The following TMEM131L variants were observed in gnomAD, a reference collection of about 807,000 sequenced individuals.
TMEM131L encodes transmembrane 131 like, also known as transmembrane protein 131-like.
TMEM131L carries 54 observed loss-of-function variants against 192.2 expected under a neutral mutation model. That is an observed-to-expected ratio of 0.28 (90% CI 0.23 to 0.35). The LOEUF (loss-of-function observed/expected upper bound fraction) is 0.35. Among genes scored for constraint, TMEM131L ranks in the 10% least tolerant of loss-of-function variants. The pLI is 1.00. For synonymous variants in TMEM131L, 701 were observed against 704.9 expected (o/e 0.99, Z 0.09); for missense variants, 1,888 against 1,972.9 (o/e 0.96, Z 0.82).
intron 3 of TMEM131L, among the ~76,000 whole-genome samples, chr4:153,518,006 G>A (rs1415079880): frequency 6.6e-6 from 1 of 151,800 alleles, no homozygotes; most frequent in Admixed American, 6.6e-5. Flanking sequence ...TTGAACTTAC[G>A]ATGAGTGTGT....
intron 3 of TMEM131L, among the ~76,000 whole-genome samples, chr4:153,531,735 A>T (rs1411535898): frequency 1.3e-5 from 2 of 152,244 alleles, no homozygotes; most frequent in African/African-American, 2.4e-5. Flanking sequence ...AAATCCGGAA[A>T]TGCCTCCTAA....
chr4:153,592,161 T>C (rs1731112535), intron 17 of TMEM131L, among the ~76,000 whole-genome samples: 1 of 152,140 alleles, frequency 6.6e-6, no homozygotes, highest in South Asian at 2.1e-4. Context: ...ATATACAGTA[T>C]ATGTAGATCA....
At chr4:153,582,285 C>T (rs1161564625) in intron 9 of TMEM131L, among the ~76,000 whole-genome samples, 1 of 151,220 alleles carries the variant, frequency 6.6e-6, no homozygotes, top group Non-Finnish European at 1.5e-5. Flanking sequence ...TGCTGTGTAG[C>T]CCAGGTGGGA....
At chr4:153,566,356 T>C (rs532810212) in intron 7 of TMEM131L, among the ~76,000 whole-genome samples, 9 of 151,980 alleles carry the variant, frequency 5.9e-5, no homozygotes, top group East Asian at 1.9e-4. Flanking sequence ...AGGATGGTCT[T>C]GATCTCCTGA....
At chr4:153,591,664 A>G (rs1170102115) in intron 17 of TMEM131L, among the ~76,000 whole-genome samples, 2 of 152,168 alleles carry the variant, frequency 1.3e-5, no homozygotes, top group African/African-American at 4.8e-5. Context: ...CCTCCAGCAG[A>G]CTTCCATTTA....
intron 16 of TMEM131L, among the ~76,000 whole-genome samples, chr4:153,589,850 TAC>T (rs547138856): frequency 2.0e-5 from 3 of 152,170 alleles, no homozygotes; most frequent in Non-Finnish European, 4.4e-5. Flanking sequence ...TCTCTATGTG[TAC>T]ACACACACAT....
At chr4:153,635,356 C>CT (rs1203341429) in intron 33 of TMEM131L, 76 bp from the exon 34 acceptor site, 7 of 1,451,738 alleles carry the variant, frequency 4.8e-6, no homozygotes, top group South Asian at 2.4e-5. Flanking sequence ...ACCTTGAAAG[C>CT]TTTTTTGCCT....
At chr4:153,499,912 G>GA (rs1733471591) in intron 3 of TMEM131L, among the ~76,000 whole-genome samples, 1 of 152,106 alleles carries the variant, frequency 6.6e-6, no homozygotes, top group Admixed American at 6.5e-5. Flanking sequence ...ACAGACTTGA[G>GA]ACAGTTATCA....
chr4:153,519,067 A>G (rs1386080918), intron 3 of TMEM131L, among the ~76,000 whole-genome samples: 1 of 152,198 alleles, frequency 6.6e-6, no homozygotes, highest in African/African-American at 2.4e-5. Context: ...CCTGGGGGGA[A>G]AATTCCACAT....
At chr4:153,620,631 ATACT>A (rs1466414736) in intron 26 of TMEM131L, 121 bp from the exon 27 acceptor site, 2 of 512,872 alleles carry the variant, frequency 3.9e-6, no homozygotes, top group Non-Finnish European at 3.3e-6. Context: ...GCTGAGCAAC[ATACT>A]TCTCAGTTTT....
At chr4:153,467,325 AGGAGAGGCG>A (rs1246969025) in intron 2 of TMEM131L, 44 bp downstream of exon 2, 1 of 1,521,892 alleles carries the variant, frequency 6.6e-7, no homozygotes. Flanking sequence ...TGTACGAGGG[AGGAGAGGCG>A]GGGAGGCCCC....
intron 7 of TMEM131L, among the ~76,000 whole-genome samples, chr4:153,571,642 C>T (rs1335515328): frequency 6.6e-6 from 1 of 152,214 alleles, no homozygotes; most frequent in Non-Finnish European, 1.5e-5. Flanking sequence ...TTATTACAAC[C>T]TTGGCCTCCC....
chr4:153,620,225 A>T (rs1733293629), intron 26 of TMEM131L, among the ~76,000 whole-genome samples: 1 of 152,312 alleles, frequency 6.6e-6, no homozygotes, highest in East Asian at 1.9e-4. Context: ...TCTCATGCTG[A>T]TGCTTTTCAG....
chr4:153,581,948 A>G (rs1397725993), intron 9 of TMEM131L, among the ~76,000 whole-genome samples: 3 of 152,228 alleles, frequency 2.0e-5, no homozygotes, highest in African/African-American at 7.2e-5. Context: ...TAAATAGCTA[A>G]TAGGTTGCGG....
chr4:153,555,674 A>G lies in TMEM131L; in HGVS notation c.309-113A>G. ...TAATTTAACTTTGTGATGAACAGCA[A>G]CAGCTTTCTGGGTTTAAAAATCTGT... On this transcript the variant is annotated intron_variant, in intron 4 of 34. Coordinates refer to ENST00000409959, the MANE Select transcript of TMEM131L (RefSeq NM_001131007.2). This position sits in a 1 kb window ranked among gnomAD's most constrained non-coding sequence, Gnocchi z 4.1. The G allele has an allele frequency of 1.1e-6, 1 of 876,908 alleles. No individual in the cohort carries two copies. Among genetic ancestry groups the G allele is most frequent in the Non-Finnish European group, 1.6e-6 (1 of 612,900 alleles). The allele number at this position is 876,908 out of a possible 1,614,324, so 54.3% of individuals were successfully genotyped here.
At chr4:153,575,936 A>C (rs1249494083) in intron 7 of TMEM131L, among the ~76,000 whole-genome samples, 1 of 151,132 alleles carries the variant, frequency 6.6e-6, no homozygotes, top group East Asian at 1.9e-4. Flanking sequence ...TTTCTTTTTT[A>C]TCAAGTTAAT....
Position 153,555,894 on chromosome 4 carries a change from C to A in TMEM131L, c.416C>A (p.Pro139Gln). The part of the protein sequence containing the change: ...VFAAAGHFHV[P>Q]PVPCRVIPAM... The stretch of plus-strand genomic sequence containing the variant: ...GCAGCTGCTGGACATTTCCATGTAC[C>A]GCCAGTTCCCTGCAGGGTGGGTGTT... Residue 139 changes from proline (P) to glutamine (Q), a missense_variant, in exon 5 of 35, where the codon CCG becomes CAG. Physicochemically the swap from Pro to Gln is moderately conservative, Grantham distance 76. Coordinates refer to ENST00000409959, the MANE Select transcript of TMEM131L (RefSeq NM_001131007.2). The surrounding 1 kb of genome is among the most constrained non-coding windows in gnomAD (Gnocchi z 4.1). 5 of 1,551,166 alleles carry A rather than the reference C, an allele frequency of 3.2e-6. No homozygotes were observed. Among genetic ancestry groups the A allele is most frequent in the Non-Finnish European group, 4.4e-6 (5 of 1,146,746 alleles).
intron 3 of TMEM131L, among the ~76,000 whole-genome samples, chr4:153,540,582 T>G (rs543978155): frequency 6.6e-6 from 1 of 152,340 alleles, no homozygotes; most frequent in East Asian, 1.9e-4. Context: ...TTTATTTGCC[T>G]TTGGGGATTT....
At chr4:153,540,799 A>G (rs189300904) in intron 3 of TMEM131L, among the ~76,000 whole-genome samples, 1 of 152,346 alleles carries the variant, frequency 6.6e-6, no homozygotes, top group East Asian at 1.9e-4. Context: ...TCTAAAAATA[A>G]CATGCACGGT....
Sources: allele counts gnomAD v4.1 joint callset (sites outside exome capture counted in the v4.1 genomes callset), GRCh38; gene constraint gnomAD v4.1.1; non-coding constraint Gnocchi (gnomAD v3.1); transcripts MANE v1.5; gene names NCBI Gene and HGNC (gene_info 2026-07-23, HGNC 2026-07-21).